The following LAMA2 variants were observed in gnomAD, a reference collection of about 807,000 sequenced individuals.
LAMA2 encodes laminin subunit alpha-2.
LAMA2 carries 269 observed loss-of-function variants against 364.8 expected under a neutral mutation model. The ratio of observed to expected loss-of-function variants is 0.74; its 90% confidence interval spans 0.67 to 0.82. The LOEUF is 0.82. LAMA2 is among the 40% of genes least tolerant of loss of function. The pLI is 0.00. For missense variants in LAMA2, 3,807 were observed against 3,873.2 expected (o/e 0.98, Z 0.45); for synonymous variants, 1,379 against 1,370.6 (o/e 1.01, Z -0.14).
At chr6:129,270,266 TACACACACACACACACACACACAC>T (rs10522614) in intron 16 of LAMA2, among the ~76,000 whole-genome samples, 21 of 143,036 alleles carry the variant, frequency 1.5e-4, no homozygotes, top group African/African-American at 4.2e-4. Context: ...GCTCTATGAC[TACACACACACACACACACACACAC>T]ACACACACAC....
chr6:129,265,578 G>A (rs1053722797), intron 15 of LAMA2, among the ~76,000 whole-genome samples: 8 of 152,028 alleles, frequency 5.3e-5, no homozygotes, highest in Non-Finnish European at 1.2e-4. Context: ...GTAATGGGGA[G>A]AAATGGGAAG....
chr6:129,296,309 A>G (rs1193942653), intron 20 of LAMA2, among the ~76,000 whole-genome samples: 1 of 152,004 alleles, frequency 6.6e-6, no homozygotes, highest in Admixed American at 6.6e-5. Context: ...TTCTTTTACT[A>G]ATAATGATAT....
At chr6:129,387,755 A>G (rs897629108) in intron 35 of LAMA2, among the ~76,000 whole-genome samples, 7 of 152,242 alleles carry the variant, frequency 4.6e-5, no homozygotes, top group African/African-American at 1.7e-4. Context: ...TTGCAGGGAT[A>G]TGGATGAAGC....
intron 9 of LAMA2, among the ~76,000 whole-genome samples, chr6:129,171,261 T>C (rs1780132186): frequency 6.6e-6 from 1 of 152,230 alleles, no homozygotes; most frequent in Admixed American, 6.5e-5. Context: ...TGCAGTTTCT[T>C]CCTAGCATCG....
chr6:129,457,055 G>C (rs9402135), intron 48 of LAMA2, among the ~76,000 whole-genome samples: 22,608 of 152,090 alleles, frequency 0.15, 1,776 homozygotes, highest in East Asian at 0.21. Flanking sequence ...AGCTTGTGTT[G>C]ATTAAATGGA....
intron 40 of LAMA2, among the ~76,000 whole-genome samples, chr6:129,409,793 G>A (rs1470905974): frequency 1.3e-5 from 2 of 152,178 alleles, no homozygotes; most frequent in Non-Finnish European, 2.9e-5. Flanking sequence ...AATCGGCAGA[G>A]CAGTTTGCAC....
At chr6:129,305,078 A>G (rs1395021932) in intron 22 of LAMA2, among the ~76,000 whole-genome samples, 2 of 152,066 alleles carry the variant, frequency 1.3e-5, no homozygotes, top group Admixed American at 6.5e-5. Context: ...GGTTTTATTC[A>G]CATGTATTTT....
chr6:129,489,834 TA>T (rs1346119126), intron 56 of LAMA2, among the ~76,000 whole-genome samples: 2 of 151,650 alleles, frequency 1.3e-5, no homozygotes, highest in Non-Finnish European at 2.9e-5. Flanking sequence ...GATATGGTTT[TA>T]AAAAAAATCT....
chr6:129,203,408 C>A (rs1253104924), intron 12 of LAMA2, among the ~76,000 whole-genome samples: 1 of 152,194 alleles, frequency 6.6e-6, no homozygotes, highest in Non-Finnish European at 1.5e-5. Context: ...CAGACCCACC[C>A]CTTGTGGTTG....
At chr6:129,126,597 CT>C (rs1348575312) in intron 4 of LAMA2, among the ~76,000 whole-genome samples, 1 of 151,942 alleles carries the variant, frequency 6.6e-6, no homozygotes, top group African/African-American at 2.4e-5. Context: ...GTCTTTCAAA[CT>C]TTTACAAATA....
chr6:128,983,673 G>C (rs1052652803), intron 1 of LAMA2, among the ~76,000 whole-genome samples: 3 of 152,196 alleles, frequency 2.0e-5, no homozygotes, highest in Admixed American at 6.5e-5. Context: ...TGTACTGATG[G>C]TCCCTGACAT....
chr6:129,432,523 G>A (rs1781647230), intron 41 of LAMA2, among the ~76,000 whole-genome samples: 1 of 152,182 alleles, frequency 6.6e-6, no homozygotes, highest in African/African-American at 2.4e-5. Context: ...GCTTTGTTGT[G>A]TGTTCAGAAT....
At chr6:129,174,472 TTA>T (rs1178905702) in intron 9 of LAMA2, among the ~76,000 whole-genome samples, 4 of 150,944 alleles carry the variant, frequency 2.6e-5, no homozygotes, top group Admixed American at 6.6e-5. Flanking sequence ...CTTCATTTTC[TTA>T]TGTTTCGTAA....
intron 1 of LAMA2, among the ~76,000 whole-genome samples, chr6:128,911,739 A>G (rs1777977561): frequency 6.6e-6 from 1 of 152,148 alleles, no homozygotes; most frequent in Non-Finnish European, 1.5e-5. Flanking sequence ...ATATATATAT[A>G]CCCATATAAC....
chr6:129,051,724 A>ATCTATAGATATCTATATCTATAGATC (rs1788053308), intron 2 of LAMA2, among the ~76,000 whole-genome samples: 5 of 140,560 alleles, frequency 3.6e-5, no homozygotes, highest in African/African-American at 1.3e-4. Flanking sequence ...ATCTATAGAT[A>ATCTATAGATATCTATATCTATAGATC]GATATATAGA....
intron 1 of LAMA2, among the ~76,000 whole-genome samples, chr6:129,049,010 A>T (rs1315006971): frequency 6.6e-6 from 1 of 152,136 alleles, no homozygotes; most frequent in Admixed American, 6.6e-5. Flanking sequence ...TTTTCTCCAT[A>T]AATAGAGTCA....
intron 3 of LAMA2, among the ~76,000 whole-genome samples, chr6:129,088,175 G>A (rs1472147845): frequency 6.8e-6 from 1 of 146,620 alleles, no homozygotes; most frequent in Non-Finnish European, 1.5e-5. Flanking sequence ...AACCCTGAGT[G>A]GACACAGCAC....
At chr6:129,303,260 A>G (rs910738961) in intron 22 of LAMA2, among the ~76,000 whole-genome samples, 3 of 152,180 alleles carry the variant, frequency 2.0e-5, no homozygotes, top group African/African-American at 7.2e-5. Flanking sequence ...ACTAGAATAG[A>G]AAAATACAAT....
At chr6:129,032,962 C>A (rs559935751) in intron 1 of LAMA2, among the ~76,000 whole-genome samples, 1 of 152,006 alleles carries the variant, frequency 6.6e-6, no homozygotes, top group Non-Finnish European at 1.5e-5. Flanking sequence ...CTGAAAACCA[C>A]GAACTCTACT....
Sources: gnomAD v4.1 joint callset for allele counts (sites outside exome capture counted in the v4.1 genomes callset) on GRCh38, gnomAD v4.1.1 for gene constraint, MANE v1.5 for transcripts, NCBI Gene and HGNC (gene_info 2026-07-23, HGNC 2026-07-21) for gene names.